The following ARHGAP15 variants were observed in gnomAD, a reference collection of about 807,000 sequenced individuals.
ARHGAP15 encodes the protein Rho GTPase activating protein 15, also known as rho GTPase-activating protein 15.
In ARHGAP15, 51 loss-of-function variants were observed where a neutral mutation model predicts 63.7. The ratio of observed to expected loss-of-function variants is 0.80; its 90% CI spans 0.64 to 1.01. ARHGAP15 has a LOEUF of 1.01. ARHGAP15 is among the 50% of genes least tolerant of loss of function. The pLI is 0.00. For synonymous variants in ARHGAP15, 191 were observed against 193.8 expected, an observed-to-expected ratio of 0.99 and a Z score of 0.12; for missense variants, 560 against 564.6, an observed-to-expected ratio of 0.99 and a Z score of 0.08.
intron 8 of ARHGAP15, among the ~76,000 whole-genome samples, chr2:143,463,369 C>T (rs1382213565): frequency 2.6e-5 from 4 of 152,142 alleles, no homozygotes; most frequent in Non-Finnish European, 4.4e-5. Context: ...TGGGGAAACC[C>T]TGTCTCTACT....
chr2:143,393,665 G>A (rs550098644), intron 6 of ARHGAP15, among the ~76,000 whole-genome samples: 1 of 139,360 alleles, frequency 7.2e-6, no homozygotes, highest in Admixed American at 7.6e-5. Flanking sequence ...TGGAGGCAGA[G>A]TTTGCAGTGA....
At chr2:143,729,447 G>T (rs1685431789) in intron 13 of ARHGAP15, among the ~76,000 whole-genome samples, 4 of 152,160 alleles carry the variant, frequency 2.6e-5, no homozygotes, top group African/African-American at 9.7e-5. Flanking sequence ...CACATTTTCA[G>T]CAGGGCTGTT....
At chr2:143,704,943 A>G (rs1684258799) in intron 13 of ARHGAP15, among the ~76,000 whole-genome samples, 1 of 152,216 alleles carries the variant, frequency 6.6e-6, no homozygotes, top group Non-Finnish European at 1.5e-5. Context: ...CCTGCTGAAC[A>G]GAAGTAACTA....
chr2:143,752,492 T>C (rs1321256707), intron 13 of ARHGAP15, among the ~76,000 whole-genome samples: 1 of 152,216 alleles, frequency 6.6e-6, no homozygotes, highest in Non-Finnish European at 1.5e-5. Context: ...AGGACCCGCC[T>C]GCATTCCACC....
chr2:143,341,570 A>G lies in ARHGAP15; in HGVS notation c.474+90970A>G, dbSNP rs561282783. On this transcript the variant is annotated intron_variant, in intron 6 of 13. Coordinates refer to ENST00000295095, the MANE Select transcript of ARHGAP15 (RefSeq NM_018460.4). ...TTTCGGTTTTGGTTATGCTTAGTCT[A>G]AAGTCACATGTGCATTTGAAAGCAA... is the stretch of plus-strand genomic sequence containing the variant. Among the ~76,000 whole-genome samples, 3 of 152,242 alleles carry G rather than the reference A, an allele frequency of 2.0e-5. No homozygotes were observed. The South Asian group carries it at 6.2e-4, about 32-fold the overall frequency.
At chr2:143,607,408 C>T (rs1425295999) in intron 11 of ARHGAP15, 1 of 152,156 alleles carries the variant, frequency 6.6e-6, no homozygotes, top group African/African-American at 2.4e-5. Flanking sequence ...AGTTTGCAAA[C>T]ATCAATGCAT....
intron 6 of ARHGAP15, among the ~76,000 whole-genome samples, chr2:143,380,674 C>CT (rs372221141): frequency 6.6e-6 from 1 of 152,108 alleles, no homozygotes. Context: ...GCTGCGCTTC[C>CT]TTGTATATAC....
chr2:143,137,501 A>G (rs989356875), intron 1 of ARHGAP15, among the ~76,000 whole-genome samples: 3 of 152,082 alleles, frequency 2.0e-5, no homozygotes, highest in African/African-American at 7.2e-5. Context: ...TATATGGTAC[A>G]GTTTTAGTAA....
chr2:143,503,530 A>G (rs1693167506), intron 9 of ARHGAP15, among the ~76,000 whole-genome samples: 1 of 152,242 alleles, frequency 6.6e-6, no homozygotes, highest in African/African-American at 2.4e-5. Flanking sequence ...GTAATGTTTT[A>G]TAAAAAGCAA....
intron 6 of ARHGAP15, among the ~76,000 whole-genome samples, chr2:143,403,170 A>G (rs1449769888): frequency 6.6e-6 from 1 of 151,896 alleles, no homozygotes; most frequent in Non-Finnish European, 1.5e-5. Flanking sequence ...TTTTCAAACC[A>G]TATTTTTCCA....
intron 13 of ARHGAP15, among the ~76,000 whole-genome samples, chr2:143,746,714 A>G (rs1686178638): frequency 6.6e-6 from 1 of 152,372 alleles, no homozygotes; most frequent in African/African-American, 2.4e-5. Flanking sequence ...TGTGAATGAA[A>G]TAACTTAGCG....
At chr2:143,337,494 T>C (rs952063222) in intron 6 of ARHGAP15, among the ~76,000 whole-genome samples, 1 of 152,210 alleles carries the variant, frequency 6.6e-6, no homozygotes, top group Admixed American at 6.5e-5. Context: ...CCTAGGTTTC[T>C]GCATTACATT....
intron 6 of ARHGAP15, among the ~76,000 whole-genome samples, chr2:143,429,345 CAGA>C (rs1689284455): frequency 6.6e-6 from 1 of 151,260 alleles, no homozygotes; most frequent in African/African-American, 2.4e-5. Context: ...TTTTATTATG[CAGA>C]ACAAATCTCT....
At chr2:143,367,255 C>T (rs1228954190) in intron 6 of ARHGAP15, among the ~76,000 whole-genome samples, 1 of 151,980 alleles carries the variant, frequency 6.6e-6, no homozygotes, top group Admixed American at 6.6e-5. Context: ...TCACCTCTAC[C>T]TTTGCTGTCA....
At chr2:143,182,527 G>A (rs1335160688) in intron 2 of ARHGAP15, among the ~76,000 whole-genome samples, 1 of 152,178 alleles carries the variant, frequency 6.6e-6, no homozygotes, top group Non-Finnish European at 1.5e-5. Flanking sequence ...AGGAAAAGAG[G>A]AGAGAGAATA....
intron 9 of ARHGAP15, among the ~76,000 whole-genome samples, chr2:143,502,780 A>C (rs542118219): frequency 1.7e-3 from 260 of 152,174 alleles, no homozygotes; most frequent in African/African-American, 6.0e-3. Flanking sequence ...GGGTTTCACC[A>C]TGTTGGCCAG....
At chr2:143,502,824 C>G (rs560846781) in intron 9 of ARHGAP15, among the ~76,000 whole-genome samples, 8 of 152,266 alleles carry the variant, frequency 5.3e-5, no homozygotes, top group African/African-American at 1.4e-4. Flanking sequence ...AAGTGATCCA[C>G]CCACCTCAAC....
At chr2:143,361,778 G>T (rs1187099282) in intron 6 of ARHGAP15, among the ~76,000 whole-genome samples, 1 of 152,034 alleles carries the variant, frequency 6.6e-6, no homozygotes, top group Admixed American at 6.6e-5. Flanking sequence ...ATTCACATCA[G>T]ACTTCTTGAC....
chr2:143,633,693 G>A (rs749884036), intron 12 of ARHGAP15, among the ~76,000 whole-genome samples: 3 of 151,984 alleles, frequency 2.0e-5, no homozygotes, highest in South Asian at 2.1e-4. Flanking sequence ...ATAACAAAAC[G>A]CAAAATTTCT....
Sources: gnomAD v4.1 joint callset for allele counts (sites outside exome capture counted in the v4.1 genomes callset) on GRCh38, gnomAD v4.1.1 for gene constraint, MANE v1.5 for transcripts, NCBI Gene and HGNC (gene_info 2026-07-23, HGNC 2026-07-21) for gene names.